The following PTPN14 variants were observed in gnomAD, a reference collection of about 807,000 sequenced individuals.
PTPN14 encodes the protein tyrosine-protein phosphatase non-receptor type 14.
Under a neutral mutation model 126.8 loss-of-function variants are expected in PTPN14, and 53 were observed. That is an observed-to-expected ratio of 0.42 (90% CI 0.34 to 0.53). The LOEUF (loss-of-function observed/expected upper bound fraction) is 0.53, where lower values mean the gene tolerates loss of function less well. Among genes scored for constraint, PTPN14 ranks in the 20% least tolerant of loss-of-function variants. The pLI is 0.08. For missense variants in PTPN14, 1,257 were observed against 1,552.9 expected (o/e 0.81, Z 3.20); for synonymous variants, 630 against 599.3 (o/e 1.05, Z -0.75).
chr1:214,398,723 G>A (rs1360868638), intron 7 of PTPN14, among the ~76,000 whole-genome samples: 1 of 149,232 alleles, frequency 6.7e-6, no homozygotes, highest in East Asian at 2.0e-4. Context: ...GTGAGCCACT[G>A]TGCCCGGCAA....
intron 3 of PTPN14, among the ~76,000 whole-genome samples, chr1:214,424,821 T>C (rs1659624122): frequency 6.6e-6 from 1 of 152,230 alleles, no homozygotes; most frequent in South Asian, 2.1e-4. Flanking sequence ...AGTGCTGGGA[T>C]TGCAGGTGTG....
chr1:214,351,992 C>T lies in PTPN14; in HGVS notation c.*5930G>A, dbSNP rs1344947078. 2 of 152,196 alleles carry T rather than the reference C, an allele frequency of 1.3e-5. No individual in the cohort carries two copies. Among genetic ancestry groups the T allele is most frequent in the African/African-American group, 4.8e-5 (2 of 41,436 alleles). 9.4% of individuals were successfully genotyped at this position (152,196 alleles called of 1,614,324 possible). On this transcript the variant is annotated 3_prime_UTR_variant, in exon 19 of 19. Coordinates refer to ENST00000366956, the MANE Select transcript of PTPN14 (RefSeq NM_005401.5). Reference sequence around the variant, plus strand: ...TATGGCACTTCTGGGAAAGAATGATCCTGATGGCCCAAAGTGTGGCAGAAG... The same window carrying T: ...TATGGCACTTCTGGGAAAGAATGATTCTGATGGCCCAAAGTGTGGCAGAAG...
At chr1:214,468,625 A>T (rs190045782) in intron 1 of PTPN14, among the ~76,000 whole-genome samples, 5 of 152,304 alleles carry the variant, frequency 3.3e-5, no homozygotes, top group Non-Finnish European at 5.9e-5. Flanking sequence ...CTATAAATTC[A>T]AAGTTAAAAT....
intron 6 of PTPN14, among the ~76,000 whole-genome samples, chr1:214,402,590 A>G (rs1659049565): frequency 7.0e-6 from 1 of 142,980 alleles, no homozygotes; most frequent in South Asian, 2.4e-4. Context: ...TTAGGTCTTC[A>G]CTCTCTCAGC....
intron 1 of PTPN14, among the ~76,000 whole-genome samples, chr1:214,550,223 C>G (rs1656071879): frequency 6.6e-6 from 1 of 152,170 alleles, no homozygotes. Context: ...AGAGTAGAAG[C>G]TGGGTTTGTT....
intron 3 of PTPN14, among the ~76,000 whole-genome samples, chr1:214,438,416 A>G (rs1356449395): frequency 5.9e-5 from 9 of 152,170 alleles, no homozygotes; most frequent in Non-Finnish European, 1.3e-4. Context: ...CTGGGAATAC[A>G]TGTCTATGAT....
intron 1 of PTPN14, among the ~76,000 whole-genome samples, chr1:214,483,545 C>T (rs1284028485): frequency 6.6e-6 from 1 of 152,208 alleles, no homozygotes; most frequent in Non-Finnish European, 1.5e-5. Context: ...ACTTACTCTA[C>T]TGCTATTTTT....
intron 3 of PTPN14, among the ~76,000 whole-genome samples, chr1:214,445,200 T>C (rs1303542453): frequency 2.6e-5 from 4 of 152,200 alleles, no homozygotes; most frequent in Non-Finnish European, 5.9e-5. Context: ...GAGTAGGGGA[T>C]ACCCATAGCT....
At chr1:214,523,430 A>G (rs1389207466) in intron 1 of PTPN14, among the ~76,000 whole-genome samples, 1 of 152,138 alleles carries the variant, frequency 6.6e-6, no homozygotes, top group East Asian at 1.9e-4. Context: ...GATACTTACC[A>G]TTATGTTACA....
At chr1:214,402,649 G>C (rs537775796) in intron 6 of PTPN14, among the ~76,000 whole-genome samples, 22 of 93,498 alleles carry the variant, frequency 2.4e-4, no homozygotes, top group Non-Finnish European at 4.8e-4. Context: ...AAGGAAGGAA[G>C]GAAGGAAGGA....
At chr1:214,394,869 A>T (rs1658840934) in intron 9 of PTPN14, 30 bp downstream of exon 9, 7 of 1,580,932 alleles carry the variant, frequency 4.4e-6, no homozygotes, top group Non-Finnish European at 6.1e-6. Flanking sequence ...GTGTCTTGTC[A>T]GACCCTGACT....
chr1:214,459,650 G>A lies in PTPN14; in HGVS notation c.174+4980C>T, dbSNP rs192848441. Among the ~76,000 whole-genome samples, 919 of 151,858 alleles carry A rather than the reference G, an allele frequency of 6.1e-3. 13 individuals carry two copies. The highest frequency in any genetic ancestry group is 0.021 in the African/African-American group (870 of 41,382). Reference sequence around the variant, plus strand: ...ACGCCCAGCTAATTTTTGTATTTTAGTAGGGACGGGGTTTCACCATGTTGG... The same window carrying A: ...ACGCCCAGCTAATTTTTGTATTTTAATAGGGACGGGGTTTCACCATGTTGG... On this transcript the variant is annotated intron_variant, in intron 2 of 18. Transcript: ENST00000366956.
intron 10 of PTPN14, among the ~76,000 whole-genome samples, chr1:214,393,481 T>C (rs1336797076): frequency 6.6e-6 from 1 of 152,166 alleles, no homozygotes; most frequent in Non-Finnish European, 1.5e-5. Flanking sequence ...TCACAGTCAA[T>C]TTGTGAATTA....
At chr1:214,382,837 A>C (rs1658505759) in intron 13 of PTPN14, among the ~76,000 whole-genome samples, 1 of 152,246 alleles carries the variant, frequency 6.6e-6, no homozygotes. Flanking sequence ...ACATCTATTG[A>C]AAGAAAATCT....
chr1:214,541,646 G>A (rs1655839551), intron 1 of PTPN14, among the ~76,000 whole-genome samples: 1 of 152,134 alleles, frequency 6.6e-6, no homozygotes, highest in Non-Finnish European at 1.5e-5. Flanking sequence ...GTTACGTGAT[G>A]GTGATTTACC....
chr1:214,369,656 G>A lies in PTPN14; in HGVS notation c.3072C>T (p.Pro1024=), dbSNP rs772208659. 1 of 1,614,146 alleles carries A rather than the reference G, an allele frequency of 6.2e-7. No homozygotes were observed. Among genetic ancestry groups the A allele is most frequent in the South Asian group, 1.1e-5 (1 of 91,074 alleles). ...GGRTKSHRYW[P]KLGSKHSSAT... ...CTGAGCTGTGCTTTGAACCTAGTTT[G>A]GGCCAGTATCGGTGGCTTTTGGTTC... is the stretch of plus-strand genomic sequence containing the variant. Residue 1024 remains proline (P), a synonymous_variant, in exon 17 of 19, where the codon CCC becomes CCT. Transcript: ENST00000366956.
chr1:214,372,653 T>C, intron 16 of PTPN14, 58 bp downstream of exon 16: 1 of 1,611,706 alleles, frequency 6.2e-7, no homozygotes, highest in Non-Finnish European at 8.5e-7. Context: ...ACAAAGCCCA[T>C]CTTCTGGCCA....
intron 3 of PTPN14, among the ~76,000 whole-genome samples, chr1:214,429,782 G>A (rs1447198261): frequency 6.6e-6 from 1 of 152,110 alleles, no homozygotes; most frequent in Non-Finnish European, 1.5e-5. Flanking sequence ...TCATGCTAAG[G>A]ATCAATATAG....
chr1:214,402,992 T>C, intron 5 of PTPN14, 39 bp from the exon 6 acceptor site: 1 of 1,595,802 alleles, frequency 6.3e-7, no homozygotes, highest in Non-Finnish European at 8.6e-7. Context: ...CATGAGGGTG[T>C]GGGCATTTGC....
Sources: allele counts gnomAD v4.1 joint callset (sites outside exome capture counted in the v4.1 genomes callset), GRCh38; gene constraint gnomAD v4.1.1; transcripts MANE v1.5; gene names NCBI Gene and HGNC (gene_info 2026-07-23, HGNC 2026-07-21).